RRBP1: variants seen among roughly 807,000 people sequenced by gnomAD.
RRBP1 encodes ribosome binding protein 1.
Under a neutral mutation model 165.2 loss-of-function variants are expected in RRBP1, and 94 were observed. That is an observed-to-expected ratio of 0.57 (90% CI 0.48 to 0.68). The LOEUF (loss-of-function observed/expected upper bound fraction) is 0.68, where lower values mean the gene tolerates loss of function less well. Ranked by LOEUF, RRBP1 falls within the 30% of genes least tolerant of loss-of-function variation. The probability of loss-of-function intolerance (pLI) is 0.00; values close to 1 mark genes in which losing one functional copy is unlikely to be tolerated. For synonymous variants in RRBP1, 680 were observed against 714.5 expected (o/e 0.95, Z 0.77); for missense variants, 1,676 against 1,763.0 (o/e 0.95, Z 0.88).
chr20:17,671,306 C>G, intron 2 of RRBP1, among the ~76,000 whole-genome samples: 1 of 152,278 alleles, frequency 6.6e-6, no homozygotes, highest in Non-Finnish European at 1.5e-5. Flanking sequence ...TCATTCAGTG[C>G]TATTTCATCC....
intron 18 of RRBP1, among the ~76,000 whole-genome samples, 187 bp downstream of exon 18, chr20:17,620,112 T>A (rs912300342): frequency 3.9e-5 from 6 of 152,154 alleles, no homozygotes; most frequent in Non-Finnish European, 7.4e-5. Flanking sequence ...CTCAGGGTCC[T>A]CTGAGGTAGT....
intron 3 of RRBP1, among the ~76,000 whole-genome samples, chr20:17,658,012 G>A (rs899613549): frequency 1.7e-4 from 26 of 152,178 alleles, no homozygotes; most frequent in African/African-American, 6.3e-4. Flanking sequence ...TTGCCAACAC[G>A]CAGAACTCTT....
At chr20:17,681,229 C>G (rs2037177483) in intron 1 of RRBP1, among the ~76,000 whole-genome samples, 1 of 148,308 alleles carries the variant, frequency 6.7e-6, no homozygotes, top group African/African-American at 2.4e-5. Flanking sequence ...CGGGCGCCCT[C>G]GTCCCCCCGC....
chr20:17,629,349 G>C (rs570993548), intron 9 of RRBP1, among the ~76,000 whole-genome samples: 21 of 152,346 alleles, frequency 1.4e-4, no homozygotes, highest in Admixed American at 1.2e-3. Flanking sequence ...ACTGCAGCAA[G>C]GGAACCACAG....
At chr20:17,645,329 A>G (rs1322501616) in intron 3 of RRBP1, among the ~76,000 whole-genome samples, 1 of 152,210 alleles carries the variant, frequency 6.6e-6, no homozygotes, top group Non-Finnish European at 1.5e-5. Context: ...ATCTTTATTA[A>G]AACTTTCTAA....
intron 24 of RRBP1, 39 bp downstream of exon 24, chr20:17,614,698 C>G: frequency 6.2e-7 from 1 of 1,604,358 alleles, no homozygotes. Context: ...CTCCCGGCAG[C>G]TCGACTCCTC....
intron 9 of RRBP1, among the ~76,000 whole-genome samples, chr20:17,629,484 C>A (rs1366793344): frequency 6.6e-6 from 1 of 152,174 alleles, no homozygotes; most frequent in Non-Finnish European, 1.5e-5. Context: ...CGGACCCAGG[C>A]TTGGGAGGGA....
At chr20:17,674,309 G>A (rs1390193665) in intron 2 of RRBP1, among the ~76,000 whole-genome samples, 2 of 152,154 alleles carry the variant, frequency 1.3e-5, no homozygotes, top group Non-Finnish European at 2.9e-5. Context: ...AGACCACCCT[G>A]CCTCAGCCAT....
chr20:17,642,885 C>T (rs2083935560), intron 4 of RRBP1, 94 bp downstream of exon 4: 2 of 1,334,336 alleles, frequency 1.5e-6, no homozygotes, highest in African/African-American at 1.4e-5. Flanking sequence ...GGAGGCTGTC[C>T]TATGAATGTC....
rs3790318 is a variant in RRBP1, at chr20:17,641,165, G to A, written c.2184+632C>T. The stretch of plus-strand genomic sequence containing the variant: ...ACCCCGGTGAATTCTGCAGTGGGAA[G>A]AACAGCCCCTATGCCATGGATCCCA... On this transcript the variant is annotated intron_variant, in intron 5 of 24. Coordinates refer to ENST00000377813, the MANE Select transcript of RRBP1 (RefSeq NM_001365613.2). 4.4e-3 allele frequency among the ~76,000 whole-genome samples: 665 copies of A among 152,338 alleles called. 7 individuals carry two copies. The highest frequency in any genetic ancestry group is 0.04 in the East Asian group (208 of 5,180).
chr20:17,678,195 G>C (rs1346787313), intron 2 of RRBP1, among the ~76,000 whole-genome samples: 1 of 152,210 alleles, frequency 6.6e-6, no homozygotes, highest in Non-Finnish European at 1.5e-5. Flanking sequence ...TCTCCTAGGA[G>C]GCCCCTGAAC....
chr20:17,631,060 T>A (rs1234006898), intron 8 of RRBP1, among the ~76,000 whole-genome samples: 1 of 152,226 alleles, frequency 6.6e-6, no homozygotes, highest in Non-Finnish European at 1.5e-5. Flanking sequence ...TGGGGGCAGC[T>A]TTAGGATGGG....
intron 2 of RRBP1, among the ~76,000 whole-genome samples, chr20:17,674,443 G>C (rs1276955635): frequency 6.6e-6 from 1 of 151,898 alleles, no homozygotes; most frequent in African/African-American, 2.4e-5. Context: ...GACTGACCAA[G>C]AGAAAACAAA....
At chr20:17,645,603 G>A (rs936660992) in intron 3 of RRBP1, among the ~76,000 whole-genome samples, 4 of 152,230 alleles carry the variant, frequency 2.6e-5, no homozygotes, top group Admixed American at 2.0e-4. Flanking sequence ...ATCAAGGGCA[G>A]CACAACTGAA....
intron 3 of RRBP1, among the ~76,000 whole-genome samples, chr20:17,654,246 G>A (rs1299211169): frequency 6.6e-6 from 1 of 152,188 alleles, no homozygotes; most frequent in Non-Finnish European, 1.5e-5. Context: ...CCTACATCCT[G>A]AGTGTGACCC....
intron 5 of RRBP1, among the ~76,000 whole-genome samples, chr20:17,640,752 G>T (rs76320771): frequency 0.084 from 12,717 of 152,264 alleles, 623 homozygotes; most frequent in African/African-American, 0.12. Flanking sequence ...GCCATCTAAG[G>T]TGTGTCTTCT....
chr20:17,652,354 A>C (rs1253815080), intron 3 of RRBP1, among the ~76,000 whole-genome samples: 1 of 152,148 alleles, frequency 6.6e-6, no homozygotes, highest in African/African-American at 2.4e-5. Context: ...TTTAGGTGAT[A>C]ATTTAAATGC....
At position 17,658,866 on chromosome 20, in the gene RRBP1, T is replaced by C. The variant is rs149580159; in HGVS notation, c.1642A>G (p.Lys548Glu). Residue 548 changes from lysine to glutamate, a missense_variant, in exon 3 of 25, where the codon AAA (lysine) becomes GAA (glutamate). Around this residue, in one of 5 missense-constraint regions of RRBP1, gnomAD observed 1,184 missense variants for 1,167.1 expected, o/e 1.01. Transcript: ENST00000377813. ...KKGEGAPIQG[K>E]KADSVANQGT... is the part of the protein sequence containing the mutation. The stretch of plus-strand genomic sequence containing the variant: ...TGATTAGCAACCGAATCTGCCTTTT[T>C]GCCCTGGATGGGAGCTCCCTCTCCT... 2.5e-4 allele frequency: 398 copies of C among 1,613,910 alleles called. No homozygotes were observed. In the African/African-American group the frequency reaches 4.6e-3, roughly 19 times the overall value.
rs200988898 is a variant in RRBP1, at chr20:17,658,784, C to T, written c.1724G>A (p.Ser575Asn). The change falls in exon 3 of 25, where the codon AGT becomes AAT. Residue 575 changes from serine to asparagine, a missense_variant. Transcript: ENST00000377813. ...NQGKKAEGSP[S>N]EGKKAEGSPN... ...GGACCCTTCTGCCTTTTTGCCTTCA[C>T]TGGGGGACCCTTCTGCTTTTTTCCC... 1.9e-6 allele frequency: 3 copies of T among 1,613,756 alleles called. No individual in the cohort carries two copies. Among genetic ancestry groups the T allele is most frequent in the South Asian group, 1.1e-5 (1 of 91,056 alleles).
Sources: allele counts gnomAD v4.1 joint callset (sites outside exome capture counted in the v4.1 genomes callset), GRCh38; gene constraint gnomAD v4.1.1; regional missense constraint gnomAD v4.1.1; transcripts MANE v1.5; gene names NCBI Gene and HGNC (gene_info 2026-07-23, HGNC 2026-07-21).